USP13: variants seen among roughly 807,000 people sequenced by gnomAD.
The protein encoded by USP13 is ubiquitin carboxyl-terminal hydrolase 13.
In USP13, 68 loss-of-function variants were observed where a neutral mutation model predicts 107.8. That is an observed-to-expected ratio of 0.63 (90% CI 0.52 to 0.77). The LOEUF (loss-of-function observed/expected upper bound fraction) is 0.77. USP13 is among the 30% of genes least tolerant of loss of function. The probability of loss-of-function intolerance (pLI) is 0.00; values close to 1 mark genes in which losing one functional copy is unlikely to be tolerated. For synonymous variants in USP13, 377 were observed against 389.5 expected, an observed-to-expected ratio of 0.97 and a Z score of 0.38; for missense variants, 945 against 1,093.3, an observed-to-expected ratio of 0.86 and a Z score of 1.91.
In USP13 at chr3:179,746,414, C is replaced by T. The variant is rs540420946; in HGVS notation, c.1709+1197C>T. On this transcript the variant is annotated intron_variant, in intron 13 of 20. Transcript: ENST00000263966. Reference sequence around the variant, plus strand: ...GAATGCAGGCACATGCCACCAAGCCCGGCTAATTTTTGTATATTTTTTTTT... The same window carrying T: ...GAATGCAGGCACATGCCACCAAGCCTGGCTAATTTTTGTATATTTTTTTTT... Among the ~76,000 whole-genome samples, 39 of 151,020 alleles carry T rather than the reference C, an allele frequency of 2.6e-4. No individual in the cohort carries two copies. The East Asian group carries it at 6.6e-3, about 26-fold the overall frequency.
intron 1 of USP13, among the ~76,000 whole-genome samples, chr3:179,667,015 C>T (rs2108439444): frequency 6.6e-6 from 1 of 152,322 alleles, no homozygotes; most frequent in South Asian, 2.1e-4. Context: ...TTGTTGTAAT[C>T]ACAGCTGCCC....
At chr3:179,681,780 C>T in intron 1 of USP13, 98 bp from the exon 2 acceptor site, 1 of 1,482,108 alleles carries the variant, frequency 6.7e-7, no homozygotes, top group Non-Finnish European at 9.1e-7. Flanking sequence ...TTTGCCAGGC[C>T]TCGTCTTCAG....
chr3:179,744,655 T>C (rs977147773), intron 12 of USP13, among the ~76,000 whole-genome samples: 1 of 152,220 alleles, frequency 6.6e-6, no homozygotes, highest in Non-Finnish European at 1.5e-5. Flanking sequence ...TGTGAAATAC[T>C]CTGATGCGAA....
At chr3:179,681,676 ACTAAAATGGAGT>A (rs1711658091) in intron 1 of USP13, among the ~76,000 whole-genome samples, 190 bp from the exon 2 acceptor site, 1 of 152,072 alleles carries the variant, frequency 6.6e-6, no homozygotes, top group African/African-American at 2.4e-5. Context: ...AAGTGAAGAA[ACTAAAATGGAGT>A]CTGTCCGGCT....
At chr3:179,723,079 G>A (rs1713384285) in intron 8 of USP13, among the ~76,000 whole-genome samples, 1 of 152,196 alleles carries the variant, frequency 6.6e-6, no homozygotes. Context: ...CTTAGTTTAA[G>A]TGCGGAAGAG....
At position 179,765,764 on chromosome 3, in the gene USP13, G is replaced by T; in HGVS notation, c.2329G>T (p.Val777Leu). 6.2e-7 allele frequency: 1 copy of T among 1,614,186 alleles called. No individual in the cohort carries two copies. Among genetic ancestry groups the T allele is most frequent in the Non-Finnish European group, 8.5e-7 (1 of 1,180,034 alleles). ...HPEFEEDSDF[V>L]IEMENNANAN... is the part of the protein sequence containing the mutation. ...TGAGTTTGAAGAAGACAGTGATTTTGTGATTGAGATGGAGAATAATGCCAA... is the reference window on the plus strand; with the variant it reads ...TGAGTTTGAAGAAGACAGTGATTTTTTGATTGAGATGGAGAATAATGCCAA... The change falls in exon 19 of 21, where the codon GTG becomes TTG. Residue 777 changes from valine (V) to leucine (L), a missense_variant. Transcript: ENST00000263966.
chr3:179,757,103 C>T (rs775790725), intron 16 of USP13, 25 bp downstream of exon 16: 1 of 1,609,942 alleles, frequency 6.2e-7, no homozygotes, highest in Non-Finnish European at 8.5e-7. Context: ...AAATGTTTCT[C>T]AATGTCCTAC....
intron 19 of USP13, among the ~76,000 whole-genome samples, chr3:179,776,478 G>C (rs1715543485): frequency 6.6e-6 from 1 of 152,188 alleles, no homozygotes; most frequent in South Asian, 2.1e-4. Context: ...GTTGGGTAGG[G>C]ATGGTAGTGT....
In USP13 at chr3:179,742,404, C is replaced by T; in HGVS notation, c.1534+54C>T. 6.2e-7 allele frequency: 1 copy of T among 1,605,292 alleles called. No homozygotes were observed. The highest frequency in any genetic ancestry group is 8.5e-7 in the Non-Finnish European group (1 of 1,174,328). On this transcript the variant is annotated intron_variant, in intron 12 of 20. Transcript: ENST00000263966. The surrounding 1 kb of genome is among the most constrained non-coding windows in gnomAD (Gnocchi z 5.0). The stretch of plus-strand genomic sequence containing the variant: ...CTGTGTGTCTTCATATGGGAAAACC[C>T]TCAAATCAGAGAGAATGGTTTAGTC...
At chr3:179,688,543 T>C (rs924045386) in intron 2 of USP13, among the ~76,000 whole-genome samples, 1 of 152,234 alleles carries the variant, frequency 6.6e-6, no homozygotes, top group Non-Finnish European at 1.5e-5. Context: ...TTTTATTTTC[T>C]CAAACCTTGT....
chr3:179,754,829 C>A lies in USP13; in HGVS notation c.1896C>A (p.Pro632=), dbSNP rs377395498. Reference sequence around the variant, plus strand: ...AAGAACTTCCAGACATCAGCCCCCCCATAGTCATTCCTGATGACTCAAAAG... The same window carrying A: ...AAGAACTTCCAGACATCAGCCCCCCAATAGTCATTCCTGATGACTCAAAAG... ...GEEELPDISP[P]IVIPDDSKDR... The change falls in exon 15 of 21, where the codon CCC becomes CCA. Residue 632 remains proline (P), a synonymous_variant. Coordinates refer to ENST00000263966, the MANE Select transcript of USP13 (RefSeq NM_003940.3). 4.3e-5 allele frequency: 69 copies of A among 1,612,540 alleles called. No individual in the cohort carries two copies. The highest frequency in any genetic ancestry group is 1.4e-4 in the South Asian group (13 of 90,538).
chr3:179,683,589 A>T lies in USP13; in HGVS notation c.294+1586A>T, dbSNP rs552977701. Among the ~76,000 whole-genome samples the T allele has an allele frequency of 5.3e-5, 8 of 152,306 alleles. No homozygotes were observed. In the South Asian group the frequency reaches 1.2e-3, roughly 24 times the overall value. ...CTTGTGCAGGGAAATTCCCATTTTT[A>T]AAACCATCAGATCTCATGAGACTCG... On this transcript the variant is annotated intron_variant, in intron 2 of 20. Coordinates refer to ENST00000263966, the MANE Select transcript of USP13 (RefSeq NM_003940.3).
chr3:179,655,750 G>A lies in USP13; in HGVS notation c.168+2357G>A, dbSNP rs559985324. ...TGTATTTTTAGTAGAGGTGGGTTTC[G>A]CCATGTTGGTTAGGCTGCTCTCGAA... On this transcript the variant is annotated intron_variant, in intron 1 of 20. Coordinates refer to ENST00000263966, the MANE Select transcript of USP13 (RefSeq NM_003940.3). 7.2e-5 allele frequency among the ~76,000 whole-genome samples: 11 copies of A among 151,822 alleles called. No individual in the cohort carries two copies. The East Asian group carries it at 7.8e-4, about 11-fold the overall frequency.
chr3:179,662,272 A>T (rs934895188), intron 1 of USP13, among the ~76,000 whole-genome samples: 3 of 152,166 alleles, frequency 2.0e-5, no homozygotes, highest in Admixed American at 2.0e-4. Flanking sequence ...GTTCTTTGCC[A>T]GGAGAGGGAG....
At chr3:179,654,932 A>G (rs188160134) in intron 1 of USP13, among the ~76,000 whole-genome samples, 1,937 of 145,394 alleles carry the variant, frequency 0.013, 48 homozygotes, top group African/African-American at 0.052. Context: ...TTGATTGTTT[A>G]CTTTTTTTTT....
At chr3:179,759,070 C>A (rs1043884209) in intron 16 of USP13, among the ~76,000 whole-genome samples, 4 of 152,102 alleles carry the variant, frequency 2.6e-5, no homozygotes, top group Non-Finnish European at 2.9e-5. Flanking sequence ...CAACCTCTGC[C>A]TCCCGGGTTC....
chr3:179,674,810 G>T (rs1387075997), intron 1 of USP13, among the ~76,000 whole-genome samples: 1 of 152,084 alleles, frequency 6.6e-6, no homozygotes, highest in Non-Finnish European at 1.5e-5. Flanking sequence ...ATGTACCTGT[G>T]CCTTGAGATT....
chr3:179,775,815 A>T (rs1576994444), intron 19 of USP13, among the ~76,000 whole-genome samples: 1 of 152,076 alleles, frequency 6.6e-6, no homozygotes. Context: ...CTGGCTCGCG[A>T]GCATTGTGCG....
intron 6 of USP13, among the ~76,000 whole-genome samples, chr3:179,711,056 T>C (rs1270363418): frequency 6.6e-6 from 1 of 152,208 alleles, no homozygotes; most frequent in Non-Finnish European, 1.5e-5. Flanking sequence ...CACCATACAC[T>C]TGGCTACACT....
Sources: gnomAD v4.1 joint callset for allele counts (sites outside exome capture counted in the v4.1 genomes callset) on GRCh38, gnomAD v4.1.1 for gene constraint, Gnocchi (gnomAD v3.1) non-coding constraint, MANE v1.5 for transcripts, NCBI Gene and HGNC (gene_info 2026-07-23, HGNC 2026-07-21) for gene names.